The following LINGO2 variants were observed in gnomAD, a reference collection of about 807,000 sequenced individuals.
LINGO2 encodes the protein leucine rich repeat and Ig domain containing 2.
A neutral mutation model predicts 30.6 loss-of-function variants in LINGO2; 14 were observed. The observed-to-expected ratio is 0.46, with a 90% CI of 0.30 to 0.72. The LOEUF (loss-of-function observed/expected upper bound fraction) is 0.72. Ranked by LOEUF, LINGO2 falls within the 30% of genes least tolerant of loss-of-function variation. The pLI is 0.07. For synonymous variants in LINGO2, 317 were observed against 288.5 expected, an observed-to-expected ratio of 1.10 and a Z score of -1.00; for missense variants, 729 against 751.7, an observed-to-expected ratio of 0.97 and a Z score of 0.35.
intron 2 of LINGO2, among the ~76,000 whole-genome samples, chr9:28,373,253 G>A (rs1212802166): frequency 6.6e-6 from 1 of 152,130 alleles, no homozygotes; most frequent in Non-Finnish European, 1.5e-5. Flanking sequence ...ATAAATTCAG[G>A]CAAGATTATT....
At chr9:28,308,035 C>A (rs1236491323) in intron 3 of LINGO2, among the ~76,000 whole-genome samples, 1 of 150,374 alleles carries the variant, frequency 6.7e-6, no homozygotes, top group East Asian at 2.0e-4. Flanking sequence ...AATGCCATCC[C>A]CATCAAGCTA....
chr9:28,620,872 T>C (rs2135824370), intron 1 of LINGO2, among the ~76,000 whole-genome samples: 1 of 152,058 alleles, frequency 6.6e-6, no homozygotes, highest in Non-Finnish European at 1.5e-5. Flanking sequence ...AAACAACTAA[T>C]GGTTACGAGG....
chr9:28,088,778 A>G (rs895433286), intron 4 of LINGO2, among the ~76,000 whole-genome samples: 1 of 152,192 alleles, frequency 6.6e-6, no homozygotes, highest in Non-Finnish European at 1.5e-5. Context: ...CAAACTGGAT[A>G]AAGAGTCAAG....
the LINGO2 span, among the ~76,000 whole-genome samples, chr9:28,954,451 A>C: frequency 6.6e-6 from 1 of 152,158 alleles, no homozygotes. Flanking sequence ...CATAAAGGAC[A>C]CTGTTAAGTG....
intron 1 of LINGO2, among the ~76,000 whole-genome samples, chr9:28,501,226 A>G (rs916832839): frequency 1.8e-4 from 27 of 152,180 alleles, no homozygotes; most frequent in African/African-American, 6.3e-4. Flanking sequence ...ATTAGGAAGT[A>G]TTTATTTCTG....
At chr9:28,626,402 A>G (rs143208144) in intron 1 of LINGO2, among the ~76,000 whole-genome samples, 1 of 152,202 alleles carries the variant, frequency 6.6e-6, no homozygotes, top group East Asian at 1.9e-4. Flanking sequence ...GTTTACTTTT[A>G]ATAAAGTCCA....
intron 4 of LINGO2, among the ~76,000 whole-genome samples, chr9:28,146,934 G>A (rs564854635): frequency 6.6e-6 from 1 of 152,314 alleles, no homozygotes; most frequent in East Asian, 1.9e-4. Context: ...TTTTAGGACA[G>A]ACCAAAGCTG....
intron 4 of LINGO2, among the ~76,000 whole-genome samples, chr9:28,076,183 C>A (rs889823903): frequency 1.3e-5 from 2 of 152,016 alleles, no homozygotes; most frequent in Admixed American, 1.3e-4. Flanking sequence ...ATTTTCAGAG[C>A]CTTTGCTCTT....
At chr9:28,567,794 A>AAAATAAATAAATAAAT (rs35618477) in intron 1 of LINGO2, among the ~76,000 whole-genome samples, 16 of 150,012 alleles carry the variant, frequency 1.1e-4, no homozygotes, top group African/African-American at 3.4e-4. Flanking sequence ...TCCTGAATCT[A>AAAATAAATAAATAAAT]AAATAAATAA....
the LINGO2 span, among the ~76,000 whole-genome samples, chr9:28,901,290 AG>A: frequency 1.3e-4 from 20 of 152,302 alleles, no homozygotes; most frequent in Middle Eastern, 3.4e-3. Flanking sequence ...CATCACCACT[AG>A]ACTTGTCTAA....
chr9:28,593,487 T>C (rs964039379), intron 1 of LINGO2, among the ~76,000 whole-genome samples: 1 of 152,070 alleles, frequency 6.6e-6, no homozygotes, highest in Admixed American at 6.6e-5. Flanking sequence ...TTTTGTAAAA[T>C]AGAGCAAATT....
chr9:28,349,894 A>T (rs1279871317), intron 3 of LINGO2, among the ~76,000 whole-genome samples: 3 of 152,264 alleles, frequency 2.0e-5, no homozygotes, highest in East Asian at 1.9e-4. Flanking sequence ...ATATCCAGCC[A>T]AACTAAGCTT....
At chr9:29,040,557 C>T in the LINGO2 span, among the ~76,000 whole-genome samples, 154 of 147,358 alleles carry the variant, frequency 1.0e-3, no homozygotes, top group African/African-American at 3.2e-3. Flanking sequence ...AACCTCTAGA[C>T]GCCTCTTTAA....
At chr9:28,743,185 A>G in the LINGO2 span, among the ~76,000 whole-genome samples, 1 of 151,660 alleles carries the variant, frequency 6.6e-6, no homozygotes, top group Non-Finnish European at 1.5e-5. Flanking sequence ...TTATTTATTT[A>G]TTTATCTTTT....
the LINGO2 span, among the ~76,000 whole-genome samples, chr9:28,817,017 A>C: frequency 6.6e-6 from 1 of 152,320 alleles, no homozygotes; most frequent in African/African-American, 2.4e-5. Context: ...CTGTGGATGT[A>C]GTAAAGTAAA....
chr9:28,150,826 C>T (rs747725591), intron 4 of LINGO2, among the ~76,000 whole-genome samples: 7 of 152,180 alleles, frequency 4.6e-5, no homozygotes, highest in South Asian at 2.1e-4. Context: ...CCCACTGCTC[C>T]GTGGCGGTCG....
At chr9:28,049,394 T>A (rs181183265) in intron 4 of LINGO2, among the ~76,000 whole-genome samples, 1 of 150,698 alleles carries the variant, frequency 6.6e-6, no homozygotes, top group East Asian at 2.0e-4. Context: ...AAATTCAACA[T>A]AGCAGGTAAT....
chr9:28,576,381 A>G (rs1016199926), intron 1 of LINGO2, among the ~76,000 whole-genome samples: 2 of 152,206 alleles, frequency 1.3e-5, no homozygotes, highest in Non-Finnish European at 2.9e-5. Flanking sequence ...AATCACAAAT[A>G]GAACCTTCAT....
the LINGO2 span, among the ~76,000 whole-genome samples, chr9:29,207,375 A>G: frequency 4.7e-4 from 72 of 152,166 alleles, 1 homozygote; most frequent in African/African-American, 1.7e-3. Flanking sequence ...TGGCTAGTAG[A>G]TAAGTATCTT....
Sources: allele counts gnomAD v4.1 joint callset (sites outside exome capture counted in the v4.1 genomes callset), GRCh38; gene constraint gnomAD v4.1.1; transcripts MANE v1.5; gene names NCBI Gene and HGNC (gene_info 2026-07-23, HGNC 2026-07-21).